The following GNG2 variants were observed in gnomAD, a reference collection of about 807,000 sequenced individuals.
GNG2 encodes guanine nucleotide-binding protein G(I)/G(S)/G(O) subunit gamma-2.
Under a neutral mutation model 5.5 loss-of-function variants are expected in GNG2, and 5 were observed. The ratio of observed to expected loss-of-function variants is 0.91; its 90% confidence interval spans 0.48 to 1.92. GNG2 has a LOEUF of 1.92. Ranked by LOEUF, GNG2 falls within the 30% of genes most tolerant of loss-of-function variation. GNG2 has a pLI of 0.01. For missense variants in GNG2, 55 were observed against 88.4 expected (o/e 0.62, Z 1.52); for synonymous variants, 28 against 32.0 (o/e 0.88, Z 0.42).
chr14:51,934,867 TACA>T (rs1257797799), intron 2 of GNG2, among the ~76,000 whole-genome samples: 1 of 152,188 alleles, frequency 6.6e-6, no homozygotes, highest in Non-Finnish European at 1.5e-5. Context: ...TCTCCCTTTG[TACA>T]ACATTAAACC....
chr14:51,856,923 G>A (rs1882189232), upstream of GNG2, among the ~76,000 whole-genome samples: 1 of 152,076 alleles, frequency 6.6e-6, no homozygotes, highest in African/African-American at 2.4e-5. Context: ...GAGAGGGAGG[G>A]ATTTTATTTC....
At chr14:51,966,397 G>A (rs1032583) in intron 3 of GNG2, among the ~76,000 whole-genome samples, 162 bp from the exon 4 acceptor site, 135,670 of 152,004 alleles carry the variant, frequency 0.89, 61,445 homozygotes, top group Non-Finnish European at 0.98. Flanking sequence ...GGTCAGTGTC[G>A]TCAACTTTCT....
chr14:51,960,431 TATTCG>T (rs1889535214), intron 3 of GNG2, among the ~76,000 whole-genome samples: 1 of 152,144 alleles, frequency 6.6e-6, no homozygotes, highest in Non-Finnish European at 1.5e-5. Flanking sequence ...ATTTTAACAA[TATTCG>T]TGTCTATAAA....
At chr14:51,870,258 A>C (rs1011776615) in intron 1 of GNG2, among the ~76,000 whole-genome samples, 1 of 152,142 alleles carries the variant, frequency 6.6e-6, no homozygotes, top group South Asian at 2.1e-4. Flanking sequence ...AAGAAAAAAA[A>C]AACAACTTGT....
chr14:51,862,539 C>T (rs1024570869), intron 1 of GNG2, among the ~76,000 whole-genome samples: 1 of 152,186 alleles, frequency 6.6e-6, no homozygotes, highest in Non-Finnish European at 1.5e-5. Context: ...ACAGGCTTAC[C>T]CTTTGGTACT....
At chr14:51,914,207 G>A in intron 2 of GNG2, 1 of 702,092 alleles carries the variant, frequency 1.4e-6, no homozygotes, top group South Asian at 1.5e-5. Context: ...CTAGCTGGAG[G>A]CTGCCAGAAA....
chr14:51,937,966 C>T (rs181433696), intron 2 of GNG2, among the ~76,000 whole-genome samples: 67 of 152,266 alleles, frequency 4.4e-4, no homozygotes, highest in African/African-American at 1.6e-3. Context: ...GAAGCCTTAA[C>T]GAACAACGAA....
intron 2 of GNG2, among the ~76,000 whole-genome samples, chr14:51,922,775 A>G (rs1887090974): frequency 6.6e-6 from 1 of 152,170 alleles, no homozygotes; most frequent in Non-Finnish European, 1.5e-5. Context: ...TCGTGCTTAT[A>G]AAAGGCCCTT....
intron 2 of GNG2, among the ~76,000 whole-genome samples, chr14:51,903,685 C>A (rs932853014): frequency 7.9e-5 from 12 of 152,056 alleles, no homozygotes; most frequent in Admixed American, 1.3e-4. Flanking sequence ...AGAAGAATAT[C>A]ATTATTTGAG....
At chr14:51,953,060 A>C (rs531378060) in intron 3 of GNG2, among the ~76,000 whole-genome samples, 1 of 152,278 alleles carries the variant, frequency 6.6e-6, no homozygotes, top group South Asian at 2.1e-4. Flanking sequence ...TGCCTAGAAC[A>C]TCCAGTCTCC....
chr14:51,945,225 A>T (rs1888574505), intron 2 of GNG2, among the ~76,000 whole-genome samples: 1 of 152,212 alleles, frequency 6.6e-6, no homozygotes, highest in African/African-American at 2.4e-5. Flanking sequence ...GGTCTTTAAA[A>T]GATGTTTGGA....
intron 2 of GNG2, 100 bp from the exon 3 acceptor site, chr14:51,950,550 G>T: frequency 2.8e-6 from 2 of 712,084 alleles, no homozygotes; most frequent in African/African-American, 1.8e-5. Flanking sequence ...GCCAGGCCTG[G>T]CTACAGCCAC....
At chr14:51,842,872 C>T (rs1881520611) in intron 2 of GNG2, among the ~76,000 whole-genome samples, 1 of 152,046 alleles carries the variant, frequency 6.6e-6, no homozygotes, top group South Asian at 2.1e-4. Flanking sequence ...GCCGTGTTGT[C>T]TAGGCTGGTC....
At chr14:51,944,366 C>T (rs1888521875) in intron 2 of GNG2, among the ~76,000 whole-genome samples, 1 of 152,194 alleles carries the variant, frequency 6.6e-6, no homozygotes, top group Non-Finnish European at 1.5e-5. Flanking sequence ...TTGCTGTTTA[C>T]TCACATGGCT....
intron 2 of GNG2, among the ~76,000 whole-genome samples, chr14:51,908,571 TAGAG>T (rs1348026476): frequency 2.0e-5 from 3 of 149,646 alleles, no homozygotes; most frequent in Admixed American, 6.7e-5. Context: ...TCCATATATA[TAGAG>T]AGAGAGAGAG....
intron 2 of GNG2, among the ~76,000 whole-genome samples, chr14:51,899,227 G>A (rs560311213): frequency 1.2e-4 from 19 of 152,094 alleles, no homozygotes; most frequent in East Asian, 1.2e-3. Flanking sequence ...TTCAGCCCCC[G>A]CCCCTACCTC....
chr14:51,954,132 T>C (rs993607096), intron 3 of GNG2, among the ~76,000 whole-genome samples: 6 of 152,194 alleles, frequency 3.9e-5, no homozygotes, highest in African/African-American at 1.4e-4. Flanking sequence ...AATAGCATGT[T>C]TGTTTTTTAA....
At chr14:51,853,248 C>A (rs765533025) in intron 2 of GNG2, among the ~76,000 whole-genome samples, 5 of 152,122 alleles carry the variant, frequency 3.3e-5, no homozygotes, top group African/African-American at 1.2e-4. Flanking sequence ...AAGTGCTGTG[C>A]GAGGTGGGTG....
intron 2 of GNG2, among the ~76,000 whole-genome samples, chr14:51,836,687 C>G (rs1881339912): frequency 6.6e-6 from 1 of 151,696 alleles, no homozygotes; most frequent in African/African-American, 2.4e-5. Flanking sequence ...CTCCATTCTC[C>G]TCTACACACC....
Sources: gnomAD v4.1 joint callset for allele counts (sites outside exome capture counted in the v4.1 genomes callset) on GRCh38, gnomAD v4.1.1 for gene constraint, MANE v1.5 for transcripts, NCBI Gene and HGNC (gene_info 2026-07-23, HGNC 2026-07-21) for gene names.